The following ADAMTS17 variants were observed in gnomAD, a reference collection of about 807,000 sequenced individuals.
ADAMTS17 encodes A disintegrin and metalloproteinase with thrombospondin motifs 17.
ADAMTS17 carries 113 observed loss-of-function variants against 141.5 expected under a neutral mutation model. The ratio of observed to expected loss-of-function variants is 0.80; its 90% CI spans 0.69 to 0.93. ADAMTS17 has a LOEUF of 0.93. Among genes scored for constraint, ADAMTS17 ranks in the 40% least tolerant of loss-of-function variants. The probability of loss-of-function intolerance (pLI) is 0.00; values close to 1 mark genes in which losing one functional copy is unlikely to be tolerated. For missense variants in ADAMTS17, 1,659 were observed against 1,517.9 expected (o/e 1.09, Z -1.54); for synonymous variants, 768 against 630.6 (o/e 1.22, Z -3.27).
chr15:100,291,337 T>C (rs2044618185), intron 3 of ADAMTS17, among the ~76,000 whole-genome samples: 1 of 152,050 alleles, frequency 6.6e-6, no homozygotes, highest in South Asian at 2.1e-4. Context: ...TGTTAAAAAG[T>C]AAAAAACTAG....
At position 100,051,763 on chromosome 15, in the gene ADAMTS17, G is replaced by A. The variant is rs200386775; in HGVS notation, c.2296-32C>T. The A allele has an allele frequency of 7.4e-6, 12 of 1,613,892 alleles. No individual in the cohort carries two copies. The East Asian group carries it at 1.8e-4, about 24-fold the overall frequency. On this transcript the variant is annotated intron_variant, in intron 16 of 21. Transcript: ENST00000268070. ...CAGCCGCAAAACAAAAGGCCATTTT[G>A]AAAAGGAAGGAAGGCCCGTGGGAAT... is the stretch of plus-strand genomic sequence containing the variant.
chr15:100,337,009 G>A (rs1331974657), intron 2 of ADAMTS17, among the ~76,000 whole-genome samples: 1 of 152,132 alleles, frequency 6.6e-6, no homozygotes, highest in African/African-American at 2.4e-5. Flanking sequence ...GAGTAGCTGG[G>A]ATTACAGGCG....
At chr15:100,247,003 C>T (rs1460036207) in intron 7 of ADAMTS17, among the ~76,000 whole-genome samples, 1 of 152,136 alleles carries the variant, frequency 6.6e-6, no homozygotes, top group Admixed American at 6.5e-5. Flanking sequence ...CCTGCCTCAG[C>T]CTTCCGAGTA....
chr15:100,332,942 T>A (rs779371630), intron 2 of ADAMTS17, among the ~76,000 whole-genome samples: 18 of 152,182 alleles, frequency 1.2e-4, no homozygotes, highest in Non-Finnish European at 2.2e-4. Flanking sequence ...GGAACCTGCG[T>A]GAGGAAGGGC....
intron 18 of ADAMTS17, among the ~76,000 whole-genome samples, chr15:100,047,690 T>G (rs2031818656): frequency 6.6e-6 from 1 of 152,116 alleles, no homozygotes. Flanking sequence ...CTTACCCTAT[T>G]TTCTAATCAC....
intron 7 of ADAMTS17, among the ~76,000 whole-genome samples, chr15:100,242,675 G>T (rs1002802729): frequency 2.6e-5 from 4 of 152,264 alleles, no homozygotes; most frequent in Admixed American, 2.0e-4. Flanking sequence ...CCTCCCAGGG[G>T]AGAAGGCAGG....
intron 3 of ADAMTS17, among the ~76,000 whole-genome samples, chr15:100,307,130 C>A (rs2045252751): frequency 2.6e-5 from 4 of 152,208 alleles, no homozygotes; most frequent in Admixed American, 2.6e-4. Flanking sequence ...CAACAGAACA[C>A]CTCTTTGCTT....
Position 100,338,464 on chromosome 15 carries a change from G to A in ADAMTS17, c.450+2575C>T, listed in dbSNP as rs940646676. ...GCAATTAACATGATACTCAACATCCGGAACGAAGTTTTGTTGAACGTGGCC... is the reference window on the plus strand; with the variant it reads ...GCAATTAACATGATACTCAACATCCAGAACGAAGTTTTGTTGAACGTGGCC... On this transcript the variant is annotated intron_variant, in intron 2 of 21. Coordinates refer to ENST00000268070, the MANE Select transcript of ADAMTS17 (RefSeq NM_139057.4). Among the ~76,000 whole-genome samples the A allele has an allele frequency of 3.9e-5, 6 of 152,254 alleles. 1 individual carries two copies. In the South Asian group the frequency reaches 1.0e-3, roughly 26 times the overall value.
At chr15:100,285,855 G>A (rs955315575) in intron 3 of ADAMTS17, among the ~76,000 whole-genome samples, 1 of 152,166 alleles carries the variant, frequency 6.6e-6, no homozygotes, top group Non-Finnish European at 1.5e-5. Flanking sequence ...TCTTCTAGGT[G>A]GCTTCAGCCT....
At chr15:100,289,510 A>G (rs2044557497) in intron 3 of ADAMTS17, among the ~76,000 whole-genome samples, 1 of 151,050 alleles carries the variant, frequency 6.6e-6, no homozygotes, top group Non-Finnish European at 1.5e-5. Context: ...TTCTGATGCC[A>G]AAACCTTGCA....
At chr15:100,034,523 GC>G (rs2030511383) in intron 18 of ADAMTS17, among the ~76,000 whole-genome samples, 1 of 152,238 alleles carries the variant, frequency 6.6e-6, no homozygotes, top group Non-Finnish European at 1.5e-5. Context: ...AGCACAGTGA[GC>G]CCCTGCAGAA....
intron 18 of ADAMTS17, among the ~76,000 whole-genome samples, chr15:100,012,445 T>G (rs2061205302): frequency 6.6e-6 from 1 of 152,242 alleles, no homozygotes; most frequent in African/African-American, 2.4e-5. Flanking sequence ...TTCTTGGTTA[T>G]GAAATCCTTG....
At chr15:99,977,401 A>ATATATATTTTT (rs2060384375) in intron 20 of ADAMTS17, among the ~76,000 whole-genome samples, 1 of 5,152 alleles carries the variant, frequency 1.9e-4, no homozygotes, top group South Asian at 0.012. Flanking sequence ...TATATATATA[A>ATATATATTTTT]TTTTTTTTTT....
intron 4 of ADAMTS17, among the ~76,000 whole-genome samples, chr15:100,269,234 T>C (rs527890017): frequency 1.3e-5 from 2 of 152,326 alleles, no homozygotes; most frequent in African/African-American, 2.4e-5. Flanking sequence ...GATTCATGAC[T>C]AAGTCCTAAA....
intron 4 of ADAMTS17, among the ~76,000 whole-genome samples, chr15:100,267,665 C>T (rs2043764043): frequency 6.7e-6 from 1 of 149,562 alleles, no homozygotes; most frequent in African/African-American, 2.5e-5. Context: ...GTTCCTCAGC[C>T]CTTGCCCCCC....
At chr15:100,323,548 T>C (rs1233652430) in intron 3 of ADAMTS17, among the ~76,000 whole-genome samples, 1 of 152,130 alleles carries the variant, frequency 6.6e-6, no homozygotes, top group Admixed American at 6.5e-5. Flanking sequence ...TAGTAAAATT[T>C]ACTGAGCTAG....
At chr15:100,203,821 C>T (rs2900635) in intron 7 of ADAMTS17, among the ~76,000 whole-genome samples, 28 of 152,062 alleles carry the variant, frequency 1.8e-4, no homozygotes, top group Middle Eastern at 3.4e-3. Context: ...ATCACTTGAA[C>T]GCGGGAGGTA....
chr15:100,261,193 T>C (rs2043503580), intron 6 of ADAMTS17, among the ~76,000 whole-genome samples: 1 of 152,100 alleles, frequency 6.6e-6, no homozygotes, highest in Admixed American at 6.5e-5. Flanking sequence ...ATGACTGTTA[T>C]ATTTATAGGA....
chr15:100,096,562 G>C, intron 14 of ADAMTS17, 86 bp from the exon 15 acceptor site: 3 of 1,588,158 alleles, frequency 1.9e-6, no homozygotes, highest in Non-Finnish European at 2.6e-6. Context: ...ACTTTTCCAT[G>C]AGGTGCAGCA....
Sources: allele counts gnomAD v4.1 joint callset (sites outside exome capture counted in the v4.1 genomes callset), GRCh38; gene constraint gnomAD v4.1.1; transcripts MANE v1.5; gene names NCBI Gene and HGNC (gene_info 2026-07-23, HGNC 2026-07-21).